Variants in PDE4D observed in about 807,000 individuals in gnomAD.
The protein encoded by PDE4D is phosphodiesterase 4D.
Under a neutral mutation model 87.4 loss-of-function variants are expected in PDE4D, and 24 were observed. The ratio of observed to expected loss-of-function variants is 0.27; its 90% CI spans 0.20 to 0.39. The LOEUF (loss-of-function observed/expected upper bound fraction) is 0.39, where lower values mean the gene tolerates loss of function less well. PDE4D is among the 10% of genes least tolerant of loss of function. The pLI is 1.00. For missense variants in PDE4D, 714 were observed against 1,041.0 expected, an observed-to-expected ratio of 0.69 and a Z score of 4.32; for synonymous variants, 384 against 383.2, an observed-to-expected ratio of 1.00 and a Z score of -0.02.
At chr5:60,278,499 C>T (rs966695369) in intron 1 of PDE4D, among the ~76,000 whole-genome samples, 7 of 152,076 alleles carry the variant, frequency 4.6e-5, no homozygotes, top group Admixed American at 1.3e-4. Context: ...CCCTCTTTCT[C>T]GTCTCTTTCT....
At position 59,739,836 on chromosome 5, in the gene PDE4D, G is replaced by A. The variant is rs755406718; in HGVS notation, c.455+153332C>T. On this transcript the variant is annotated intron_variant, in intron 1 of 14. Coordinates refer to ENST00000340635, the MANE Select transcript of PDE4D (RefSeq NM_001104631.2). ...AAACAGCCAATGTCCAATATGAAGA[G>A]AATGGTTGAATAAAAGGTAGGAATA... 5.2e-4 allele frequency among the ~76,000 whole-genome samples: 79 copies of A among 152,194 alleles called. 1 individual carries two copies. Among genetic ancestry groups the A allele is most frequent in the Middle Eastern group, 6.8e-3 (2 of 294 alleles).
intron 1 of PDE4D, among the ~76,000 whole-genome samples, chr5:59,477,625 G>C (rs935654755): frequency 6.6e-6 from 1 of 152,084 alleles, no homozygotes; most frequent in Non-Finnish European, 1.5e-5. Flanking sequence ...TTCAGCCACT[G>C]TGAAAAGTAG....
At chr5:59,201,328 A>T (rs1331343484) in intron 2 of PDE4D, among the ~76,000 whole-genome samples, 1 of 152,126 alleles carries the variant, frequency 6.6e-6, no homozygotes, top group African/African-American at 2.4e-5. Flanking sequence ...TAAAATCATG[A>T]AACTCTAATT....
At chr5:59,555,001 G>A (rs1023211816) in intron 1 of PDE4D, among the ~76,000 whole-genome samples, 7 of 152,110 alleles carry the variant, frequency 4.6e-5, no homozygotes, top group African/African-American at 1.7e-4. Flanking sequence ...CCATTCCTGG[G>A]TATATACCCA....
chr5:59,730,723 AACAG>A (rs971560068), intron 1 of PDE4D, among the ~76,000 whole-genome samples: 2 of 152,156 alleles, frequency 1.3e-5, no homozygotes, highest in African/African-American at 4.8e-5. Context: ...CACTTTAAAG[AACAG>A]AGAGGTTGCA....
At chr5:59,971,213 G>A (rs1318270347) in intron 3 of PDE4D, among the ~76,000 whole-genome samples, 1 of 113,026 alleles carries the variant, frequency 8.8e-6, no homozygotes, top group African/African-American at 3.2e-5. Context: ...GTTGTGGGGT[G>A]GGGGGAGGGG....
intron 1 of PDE4D, among the ~76,000 whole-genome samples, chr5:59,853,072 C>T (rs1481097542): frequency 6.6e-6 from 1 of 151,856 alleles, no homozygotes; most frequent in East Asian, 1.9e-4. Context: ...ATGTCTTGTA[C>T]AAAAACAGCA....
chr5:60,102,541 A>T (rs955632843), intron 2 of PDE4D, among the ~76,000 whole-genome samples: 1 of 152,208 alleles, frequency 6.6e-6, no homozygotes, highest in East Asian at 1.9e-4. Context: ...TTTCATTTTA[A>T]CATGACTGTC....
intron 3 of PDE4D, among the ~76,000 whole-genome samples, chr5:59,961,294 A>G (rs1278416645): frequency 6.9e-6 from 1 of 144,726 alleles, no homozygotes; most frequent in Non-Finnish European, 1.5e-5. Context: ...AGACACAGAG[A>G]CCCAGATTAA....
intron 2 of PDE4D, among the ~76,000 whole-genome samples, chr5:60,078,182 C>G (rs1773524561): frequency 6.6e-6 from 1 of 152,186 alleles, no homozygotes; most frequent in Non-Finnish European, 1.5e-5. Flanking sequence ...GGATTCCAAT[C>G]TCCCCTACCT....
chr5:60,150,013 TATTA>T (rs1288121158), intron 2 of PDE4D, among the ~76,000 whole-genome samples: 1 of 147,226 alleles, frequency 6.8e-6, no homozygotes, highest in Non-Finnish European at 1.5e-5. Flanking sequence ...TAATTATATA[TATTA>T]GTGTATATAT....
intron 3 of PDE4D, among the ~76,000 whole-genome samples, chr5:59,978,058 G>C (rs759773335): frequency 6.6e-5 from 10 of 152,308 alleles, no homozygotes; most frequent in Admixed American, 3.3e-4. Context: ...AATGCACCTA[G>C]TCACTCAAGA....
intron 2 of PDE4D, among the ~76,000 whole-genome samples, chr5:60,013,995 A>G (rs568516058): frequency 2.7e-5 from 4 of 150,160 alleles, no homozygotes; most frequent in African/African-American, 4.9e-5. Context: ...CAGGAGGCTG[A>G]GGCAGGAGAA....
intron 5 of PDE4D, chr5:59,125,400 C>T (rs1306527258): frequency 4.8e-6 from 2 of 414,102 alleles, no homozygotes; most frequent in Non-Finnish European, 6.5e-6. Flanking sequence ...TGTCAATTGA[C>T]TGCCAACCTT....
Position 59,026,237 on chromosome 5 carries a change from T to C in PDE4D, c.921+12622A>G, listed in dbSNP as rs924070121. Among the ~76,000 whole-genome samples, 7 of 152,202 alleles carry C rather than the reference T, an allele frequency of 4.6e-5. No individual in the cohort carries two copies. In the East Asian group the frequency reaches 9.6e-4, roughly 21 times the overall value. On this transcript the variant is annotated intron_variant, in intron 6 of 14. Coordinates refer to ENST00000340635, the MANE Select transcript of PDE4D (RefSeq NM_001104631.2). The stretch of plus-strand genomic sequence containing the variant: ...AACTTTTAATTTAAACGAGATGAGA[T>C]TGATCTAGCATATACTATGATAAAA...
intron 1 of PDE4D, among the ~76,000 whole-genome samples, chr5:59,664,446 T>C (rs1457416096): frequency 6.6e-6 from 1 of 152,266 alleles, no homozygotes; most frequent in Admixed American, 6.5e-5. Context: ...TTCATATATA[T>C]TATTTCATTT....
chr5:59,409,618 C>T (rs946829290), intron 1 of PDE4D, among the ~76,000 whole-genome samples: 9 of 152,138 alleles, frequency 5.9e-5, no homozygotes, highest in Non-Finnish European at 1.0e-4. Context: ...GACACCTACT[C>T]CCCTTTTGTC....
intron 1 of PDE4D, among the ~76,000 whole-genome samples, chr5:59,675,032 C>G (rs1747834664): frequency 6.6e-6 from 1 of 152,210 alleles, no homozygotes; most frequent in African/African-American, 2.4e-5. Flanking sequence ...CTACCTGTAA[C>G]TAGATTTTCA....
chr5:59,559,835 C>A (rs1228106789), intron 1 of PDE4D, among the ~76,000 whole-genome samples: 1 of 152,210 alleles, frequency 6.6e-6, no homozygotes, highest in South Asian at 2.1e-4. Context: ...CAATCACATT[C>A]TTTAAGGGCT....
Sources: gnomAD v4.1 joint callset for allele counts (sites outside exome capture counted in the v4.1 genomes callset) on GRCh38, gnomAD v4.1.1 for gene constraint, MANE v1.5 for transcripts, NCBI Gene and HGNC (gene_info 2026-07-23, HGNC 2026-07-21) for gene names.